SLCO3A1: variants seen among roughly 807,000 people sequenced by gnomAD.
SLCO3A1 encodes solute carrier organic anion transporter family member 3A1.
A neutral mutation model predicts 63.1 loss-of-function variants in SLCO3A1; 27 were observed. The ratio of observed to expected loss-of-function variants is 0.43; its 90% CI spans 0.32 to 0.59. The LOEUF (loss-of-function observed/expected upper bound fraction) is 0.59, where lower values mean the gene tolerates loss of function less well. SLCO3A1 is among the 20% of genes least tolerant of loss of function. The pLI is 0.09. For synonymous variants in SLCO3A1, 473 were observed against 409.9 expected (o/e 1.15, Z -1.86); for missense variants, 773 against 945.8 (o/e 0.82, Z 2.40).
chr15:91,920,025 C>G (rs564607249), intron 2 of SLCO3A1, among the ~76,000 whole-genome samples: 2 of 152,244 alleles, frequency 1.3e-5, no homozygotes, highest in African/African-American at 4.8e-5. Flanking sequence ...TTGTTTGTTA[C>G]TATTCTATGA....
At chr15:92,016,254 T>TA in intron 2 of SLCO3A1, among the ~76,000 whole-genome samples, 1,777 of 95,700 alleles carry the variant, frequency 0.019, 32 homozygotes, top group African/African-American at 0.028. Flanking sequence ...GATAGATAGA[T>TA]TAGATAGATA....
chr15:91,855,953 C>T (rs1896908823), intron 1 of SLCO3A1, among the ~76,000 whole-genome samples: 1 of 151,902 alleles, frequency 6.6e-6, no homozygotes, highest in African/African-American at 2.4e-5. Flanking sequence ...AAAGCGTGGG[C>T]TTACTATTTT....
intron 1 of SLCO3A1, among the ~76,000 whole-genome samples, chr15:91,878,244 C>T (rs1897453977): frequency 6.6e-6 from 1 of 151,994 alleles, no homozygotes; most frequent in Non-Finnish European, 1.5e-5. Context: ...TGCCACCACA[C>T]CTGGATAATT....
chr15:92,039,537 C>T lies in SLCO3A1; in HGVS notation c.647-55344C>T, dbSNP rs186022393. Reference sequence around the variant, plus strand: ...CAATGAGATAGTGTTTTGTGCCAGTCAGAGTGGTGATTATTAAAAAGTCCA... The same window carrying T: ...CAATGAGATAGTGTTTTGTGCCAGTTAGAGTGGTGATTATTAAAAAGTCCA... On this transcript the variant is annotated intron_variant, in intron 2 of 9. Transcript: ENST00000318445. Among the ~76,000 whole-genome samples, 11 of 152,244 alleles carry T rather than the reference C, an allele frequency of 7.2e-5. No homozygotes were observed. The East Asian group carries it at 1.5e-3, about 21-fold the overall frequency.
At chr15:91,924,589 A>G (rs1212385394) in intron 2 of SLCO3A1, among the ~76,000 whole-genome samples, 2 of 152,180 alleles carry the variant, frequency 1.3e-5, no homozygotes, top group African/African-American at 4.8e-5. Context: ...GCCAGAAAAA[A>G]AGTGTTCTTC....
At chr15:92,042,198 T>C (rs990744867) in intron 2 of SLCO3A1, among the ~76,000 whole-genome samples, 8 of 152,268 alleles carry the variant, frequency 5.3e-5, no homozygotes, top group African/African-American at 1.7e-4. Context: ...AGTAAACACT[T>C]TTACTCTTTC....
chr15:91,901,211 C>G (rs965446953), intron 1 of SLCO3A1, among the ~76,000 whole-genome samples: 2 of 152,150 alleles, frequency 1.3e-5, no homozygotes, highest in African/African-American at 2.4e-5. Context: ...CAGTGTACTT[C>G]AGATCAGTAC....
At position 92,164,887 on chromosome 15, in the gene SLCO3A1, G is replaced by T; in HGVS notation, c.*1752G>T. 5 of 985,358 alleles carry T rather than the reference G, an allele frequency of 5.1e-6. No homozygotes were observed. The highest frequency in any genetic ancestry group is 6.0e-6 in the Non-Finnish European group (5 of 829,928). 61.0% of individuals were successfully genotyped at this position (985,358 alleles called of 1,614,324 possible). ...CACACTCATACACACACAACAAAGG[G>T]CCCTGCTAACTTACTCCTCATGCTG... On this transcript the variant is annotated 3_prime_UTR_variant, in exon 10 of 10. Transcript: ENST00000318445.
At chr15:91,937,637 TGAACC>T (rs1899461537) in intron 2 of SLCO3A1, among the ~76,000 whole-genome samples, 1 of 150,500 alleles carries the variant, frequency 6.6e-6, no homozygotes, top group Non-Finnish European at 1.5e-5. Context: ...GAGAATCACT[TGAACC>T]CAGGAGGCAA....
At chr15:92,138,427 C>G (rs1412933584) in intron 7 of SLCO3A1, among the ~76,000 whole-genome samples, 1 of 112,278 alleles carries the variant, frequency 8.9e-6, no homozygotes, top group South Asian at 2.6e-4. Context: ...CAGCTTTGTT[C>G]TTTTGGCTTA....
In SLCO3A1 at chr15:91,957,468, C is replaced by T. The variant is rs146574502; in HGVS notation, c.646+41010C>T. Among the ~76,000 whole-genome samples the T allele has an allele frequency of 2.0e-5, 3 of 152,020 alleles. No homozygotes were observed. In the East Asian group the frequency reaches 5.9e-4, roughly 30 times the overall value. On this transcript the variant is annotated intron_variant, in intron 2 of 9. Coordinates refer to ENST00000318445, the MANE Select transcript of SLCO3A1 (RefSeq NM_013272.4). ...GATGGGGTCAGTCTGCCTTCCCCAC[C>T]TTCTTTCCTGGTGGCATCTTCTTGC...
intron 2 of SLCO3A1, among the ~76,000 whole-genome samples, chr15:91,965,079 A>C (rs1261609814): frequency 6.6e-6 from 1 of 152,042 alleles, no homozygotes; most frequent in Non-Finnish European, 1.5e-5. Context: ...ACCCAGGGAG[A>C]GGGGGCTGTG....
chr15:91,858,323 T>G (rs1597062108), intron 1 of SLCO3A1, among the ~76,000 whole-genome samples: 1 of 152,190 alleles, frequency 6.6e-6, no homozygotes, highest in East Asian at 1.9e-4. Flanking sequence ...GTGACAAAAT[T>G]CCTTGCCATT....
Position 91,926,596 on chromosome 15 carries a change from T to TGTGTGTGTGTGTGTGTGTGTGTGCGC in SLCO3A1, c.646+10139_646+10140insTGTGTGTGTGTGTGTGTGTGTGCGCG. 1.6e-3 allele frequency among the ~76,000 whole-genome samples: 164 copies of TGTGTGTGTGTGTGTGTGTGTGTGCGC among 105,282 alleles called. 2 individuals carry two copies. Among genetic ancestry groups the TGTGTGTGTGTGTGTGTGTGTGTGCGC allele is most frequent in the African/African-American group, 5.6e-3 (153 of 27,362 alleles). 69.1% of individuals were successfully genotyped at this position (105,282 alleles called of 152,430 possible). ...GTGTGTGTGTGTGTGTGTGTGTGTG[T>TGTGTGTGTGTGTGTGTGTGTGTGCGC]GCGCGCGCGCACGCCCATGCTTATT... On this transcript the variant is annotated intron_variant, in intron 2 of 9. Transcript: ENST00000318445.
At chr15:92,152,331 C>G (rs2151594511) in intron 9 of SLCO3A1, among the ~76,000 whole-genome samples, 1 of 152,350 alleles carries the variant, frequency 6.6e-6, no homozygotes, top group Non-Finnish European at 1.5e-5. Context: ...AACTTTCTAT[C>G]AATCTGTGAT....
intron 2 of SLCO3A1, among the ~76,000 whole-genome samples, chr15:91,997,810 C>T (rs951466877): frequency 5.3e-5 from 8 of 152,072 alleles, no homozygotes; most frequent in East Asian, 1.9e-4. Context: ...GAGCCATATG[C>T]GGAAGACTGA....
chr15:92,035,013 C>T (rs537141876), intron 2 of SLCO3A1, among the ~76,000 whole-genome samples: 1 of 151,898 alleles, frequency 6.6e-6, no homozygotes. Flanking sequence ...GATTCAATGG[C>T]TTGTCCAAGG....
rs769079509 is a variant in SLCO3A1 at position 91,916,232 on chromosome 15, C to A, written c.420C>A (p.Ile140=). The change falls in exon 2 of 10, where the codon ATC becomes ATA. Residue 140 remains isoleucine, a synonymous_variant. Transcript: ENST00000318445. This position sits in a 1 kb window ranked among gnomAD's most constrained non-coding sequence, Gnocchi z 6.2. ...AGTACAAGTACGAGGCGGGCGAGAT[C>A]CGCTGGGGCGCCGAGGGCCGCGACG... ...THQYKYEAGE[I]RWGAEGRDVC... 2.5e-6 allele frequency: 4 copies of A among 1,571,860 alleles called. No homozygotes were observed. The highest frequency in any genetic ancestry group is 3.4e-6 in the Non-Finnish European group (4 of 1,160,230).
chr15:92,066,472 C>A (rs1291761384), intron 2 of SLCO3A1, among the ~76,000 whole-genome samples: 1 of 152,174 alleles, frequency 6.6e-6, no homozygotes, highest in Non-Finnish European at 1.5e-5. Flanking sequence ...TTAAAGAAAA[C>A]AGCTTCTGAG....
Sources: gnomAD v4.1 joint callset for allele counts (sites outside exome capture counted in the v4.1 genomes callset) on GRCh38, gnomAD v4.1.1 for gene constraint, Gnocchi (gnomAD v3.1) non-coding constraint, MANE v1.5 for transcripts, NCBI Gene and HGNC (gene_info 2026-07-23, HGNC 2026-07-21) for gene names.